BCAS3: variants seen among roughly 807,000 people sequenced by gnomAD.
BCAS3 encodes the protein BCAS4/BCAS3 fusion.
A neutral mutation model predicts 116.1 loss-of-function variants in BCAS3; 53 were observed. The observed-to-expected ratio is 0.46, with a 90% CI of 0.37 to 0.57. The LOEUF is 0.57. Among genes scored for constraint, BCAS3 ranks in the 20% least tolerant of loss-of-function variants. BCAS3 has a pLI of 0.00. For synonymous variants in BCAS3, 391 were observed against 408.2 expected (o/e 0.96, Z 0.51); for missense variants, 917 against 1,165.4 (o/e 0.79, Z 3.10).
chr17:60,963,943 G>C (rs8076556), intron 14 of BCAS3, among the ~76,000 whole-genome samples: 9,211 of 152,244 alleles, frequency 0.061, 937 homozygotes, highest in African/African-American at 0.21. Context: ...GGTGAGTTCT[G>C]TAGCCTTTTC....
intron 11 of BCAS3, among the ~76,000 whole-genome samples, chr17:60,907,440 A>G (rs2145085231): frequency 6.6e-6 from 1 of 152,304 alleles, no homozygotes; most frequent in East Asian, 1.9e-4. Context: ...TGAGAGCAGC[A>G]CCATTAGCAC....
At chr17:61,230,986 A>C in intron 22 of BCAS3, among the ~76,000 whole-genome samples, 1 of 133,240 alleles carries the variant, frequency 7.5e-6, no homozygotes, top group East Asian at 2.2e-4. Context: ...TTTTTCTAAG[A>C]GATAAGGTCT....
chr17:60,951,316 G>A (rs907168453), intron 14 of BCAS3, among the ~76,000 whole-genome samples: 1 of 151,814 alleles, frequency 6.6e-6, no homozygotes, highest in Non-Finnish European at 1.5e-5. Context: ...TTTGCTTTTT[G>A]AATAATATCT....
At chr17:61,149,414 T>C (rs1007745944) in intron 22 of BCAS3, among the ~76,000 whole-genome samples, 1 of 152,238 alleles carries the variant, frequency 6.6e-6, no homozygotes, top group Non-Finnish European at 1.5e-5. Context: ...GTAGTTTTTT[T>C]TCTCATGAGA....
At chr17:60,842,377 G>C (rs2052025210) in intron 7 of BCAS3, among the ~76,000 whole-genome samples, 1 of 151,732 alleles carries the variant, frequency 6.6e-6, no homozygotes. Flanking sequence ...AAAAATCTAA[G>C]GTTACTACTA....
intron 12 of BCAS3, among the ~76,000 whole-genome samples, chr17:60,921,847 A>G (rs1427703877): frequency 6.6e-6 from 1 of 152,022 alleles, no homozygotes; most frequent in Non-Finnish European, 1.5e-5. Flanking sequence ...ACCATAATAG[A>G]ATTAGAGTGG....
At position 60,990,040 on chromosome 17, in the gene BCAS3, GT is replaced by G; in HGVS notation, c.1295del (p.Phe432SerfsTer20). 1 of 1,614,124 alleles carries G rather than the reference GT, an allele frequency of 6.2e-7. No homozygotes were observed. On this transcript the variant is annotated frameshift_variant, in exon 15 of 24. Coordinates refer to ENST00000407086, the MANE Select transcript of BCAS3 (RefSeq NM_017679.5). LOFTEE classifies it high-confidence loss of function. The surrounding 1 kb of genome is among the most constrained non-coding windows in gnomAD (Gnocchi z 5.1). ...CAGTACTCTCCGGGGTACTTCCCAC[GT>G]TTTCCCCATCAACCCTTATGGTGGC... ...VVSTLRGTSH[V>X]FPINPYGGQP...
intron 6 of BCAS3, among the ~76,000 whole-genome samples, chr17:60,794,950 G>A (rs1276049905): frequency 6.6e-6 from 1 of 152,048 alleles, no homozygotes; most frequent in East Asian, 1.9e-4. Flanking sequence ...AGTGATGGTG[G>A]TATTTTGATG....
intron 6 of BCAS3, among the ~76,000 whole-genome samples, chr17:60,769,561 C>T (rs1181604865): frequency 6.6e-6 from 1 of 152,120 alleles, no homozygotes; most frequent in Admixed American, 6.5e-5. Flanking sequence ...GTGGGCCTGC[C>T]GTGGGGAAGG....
At chr17:60,830,568 A>G (rs576221830) in intron 7 of BCAS3, among the ~76,000 whole-genome samples, 29 of 152,292 alleles carry the variant, frequency 1.9e-4, no homozygotes, top group African/African-American at 7.0e-4. Context: ...TACAAGGGCT[A>G]TACTTTTTTT....
intron 5 of BCAS3, chr17:60,727,184 C>A: frequency 1.2e-6 from 1 of 833,452 alleles, no homozygotes; most frequent in Admixed American, 2.0e-5. Context: ...GATCTCTTGG[C>A]CCTTTCTCTT....
chr17:61,285,427 C>T lies in BCAS3; in HGVS notation c.2426-82900C>T, dbSNP rs1217018943. Among the ~76,000 whole-genome samples, 1 of 152,120 alleles carries T rather than the reference C, an allele frequency of 6.6e-6. No homozygotes were observed. The highest frequency in any genetic ancestry group is 2.4e-5 in the African/African-American group (1 of 41,426). ...TCAACAGGTGTCAGTTACACTTTAC[C>T]TGGCCCTAAAGTGAAAAGCTCTACA... On this transcript the variant is annotated intron_variant, in intron 22 of 23. Coordinates refer to ENST00000407086, the MANE Select transcript of BCAS3 (RefSeq NM_017679.5). This position sits in a 1 kb window ranked among gnomAD's most constrained non-coding sequence, Gnocchi z 5.4.
chr17:60,872,731 A>C (rs2055243522), intron 8 of BCAS3, among the ~76,000 whole-genome samples: 1 of 144,308 alleles, frequency 6.9e-6, no homozygotes, highest in African/African-American at 2.6e-5. Flanking sequence ...ACACACACAT[A>C]CCTCATATAT....
intron 10 of BCAS3, among the ~76,000 whole-genome samples, chr17:60,899,459 A>G (rs905565613): frequency 2.6e-5 from 4 of 152,098 alleles, no homozygotes; most frequent in Admixed American, 6.5e-5. Flanking sequence ...TAGTGCGGGA[A>G]TGAGCCCAGA....
chr17:61,031,068 T>C (rs938934493), intron 16 of BCAS3, among the ~76,000 whole-genome samples: 2 of 152,022 alleles, frequency 1.3e-5, no homozygotes, highest in Non-Finnish European at 2.9e-5. Context: ...ATTAAATAAA[T>C]GAGGGAAGGC....
rs181841750 is a variant in BCAS3 at position 61,132,186 on chromosome 17, G to C, written c.2425+47622G>C. 4.6e-5 allele frequency among the ~76,000 whole-genome samples: 7 copies of C among 152,180 alleles called. No homozygotes were observed. Among genetic ancestry groups the C allele is most frequent in the Admixed American group, 1.3e-4 (2 of 15,286 alleles). ...TGATTTTTACTAAATTTGATGTTAG[G>C]TACCTATAATTACCTTCCCTTCTTC... On this transcript the variant is annotated intron_variant, in intron 22 of 23. Transcript: ENST00000407086. The surrounding 1 kb of genome is among the most constrained non-coding windows in gnomAD (Gnocchi z 5.1).
Position 61,020,835 on chromosome 17 carries a change from C to T in BCAS3, c.1637+4934C>T, listed in dbSNP as rs2065825344. 6.6e-6 allele frequency among the ~76,000 whole-genome samples: 1 copy of T among 152,062 alleles called. No individual in the cohort carries two copies. The highest frequency in any genetic ancestry group is 2.4e-5 in the African/African-American group (1 of 41,412). ...TTCCAAATTATTTTATGGACACAAG[C>T]AGAGAACAGTAAATTTCAAAAAGAA... On this transcript the variant is annotated intron_variant, in intron 16 of 23. Coordinates refer to ENST00000407086, the MANE Select transcript of BCAS3 (RefSeq NM_017679.5). The surrounding 1 kb of genome is among the most constrained non-coding windows in gnomAD (Gnocchi z 4.5).
rs911116322 is a variant in BCAS3, at chr17:61,224,668, A to G, written c.2425+140104A>G. Among the ~76,000 whole-genome samples, 1 of 152,242 alleles carries G rather than the reference A, an allele frequency of 6.6e-6. No homozygotes were observed. The highest frequency in any genetic ancestry group is 6.5e-5 in the Admixed American group (1 of 15,292). ...TTCTTACTTCTGCAACCTCGGGCACATTCCTCATCATCTCTCTACTTCAGT... is the reference window on the plus strand; with the variant it reads ...TTCTTACTTCTGCAACCTCGGGCACGTTCCTCATCATCTCTCTACTTCAGT... On this transcript the variant is annotated intron_variant, in intron 22 of 23. Coordinates refer to ENST00000407086, the MANE Select transcript of BCAS3 (RefSeq NM_017679.5). This position sits in a 1 kb window ranked among gnomAD's most constrained non-coding sequence, Gnocchi z 5.7.
chr17:60,936,155 A>G (rs887309675), intron 13 of BCAS3, among the ~76,000 whole-genome samples: 6 of 151,778 alleles, frequency 4.0e-5, no homozygotes, highest in African/African-American at 1.5e-4. Flanking sequence ...GATGGTTTCC[A>G]GCTTCATCCA....
Sources: allele counts gnomAD v4.1 joint callset (sites outside exome capture counted in the v4.1 genomes callset), GRCh38; gene constraint gnomAD v4.1.1; non-coding constraint Gnocchi (gnomAD v3.1); transcripts MANE v1.5; gene names NCBI Gene and HGNC (gene_info 2026-07-23, HGNC 2026-07-21).